Variants in RALA observed in about 807,000 individuals in gnomAD.
RALA encodes ras-related protein Ral-A.
RALA carries 5 observed loss-of-function variants against 24.0 expected under a neutral mutation model. That is an observed-to-expected ratio of 0.21 (90% CI 0.11 to 0.44). RALA has a LOEUF of 0.44. Among genes scored for constraint, RALA ranks in the 20% least tolerant of loss-of-function variants. RALA has a pLI of 0.99. For missense variants in RALA, 95 were observed against 241.2 expected, an observed-to-expected ratio of 0.39 and a Z score of 4.01; for synonymous variants, 77 against 83.8, an observed-to-expected ratio of 0.92 and a Z score of 0.44.
intron 1 of RALA, among the ~76,000 whole-genome samples, chr7:39,674,047 AAATAAATAAATAAATAAAT>A (rs1792435097): frequency 2.7e-5 from 4 of 147,372 alleles, no homozygotes; most frequent in East Asian, 1.9e-4. Context: ...CACTGTAAAT[AAATAAATAAATAAATAAAT>A]AAATAAATAA....
intron 1 of RALA, among the ~76,000 whole-genome samples, chr7:39,673,511 T>C (rs1466422999): frequency 6.6e-6 from 1 of 152,176 alleles, no homozygotes; most frequent in Non-Finnish European, 1.5e-5. Context: ...TTATATACTC[T>C]TTGTGAGTGA....
chr7:39,643,475 C>T (rs1583711015), intron 1 of RALA, among the ~76,000 whole-genome samples: 1 of 152,232 alleles, frequency 6.6e-6, no homozygotes. Flanking sequence ...AACCCCAGCA[C>T]TTTGAGAGGC....
chr7:39,668,260 T>G (rs1792317891), intron 1 of RALA, among the ~76,000 whole-genome samples: 1 of 152,218 alleles, frequency 6.6e-6, no homozygotes, highest in African/African-American at 2.4e-5. Context: ...AGTACAGCAC[T>G]TTAAGAAAGC....
chr7:39,649,126 A>G (rs1488321867), intron 1 of RALA, among the ~76,000 whole-genome samples: 1 of 152,178 alleles, frequency 6.6e-6, no homozygotes, highest in Non-Finnish European at 1.5e-5. Context: ...GTTGCCATTT[A>G]CTGATAGAGG....
rs768747506 is a variant in RALA at position 39,696,820 on chromosome 7, C to T, written c.459C>T (p.Tyr153=). The part of the protein sequence containing the change: ...KNRAEQWNVN[Y]VETSAKTRAN... ...GAGCTGAGCAGTGGAATGTTAACTA[C>T]GTGGAAACATCTGCTAAAACACGAG... Residue 153 remains tyrosine, a synonymous_variant, in exon 4 of 5, where the codon TAC becomes TAT. Transcript: ENST00000005257. 6.2e-6 allele frequency: 10 copies of T among 1,613,040 alleles called. No individual in the cohort carries two copies. The East Asian group carries it at 1.1e-4, about 18-fold the overall frequency.
chr7:39,651,979 A>G (rs940894285), intron 1 of RALA, among the ~76,000 whole-genome samples: 1 of 152,228 alleles, frequency 6.6e-6, no homozygotes, highest in African/African-American at 2.4e-5. Context: ...TCCTGCTGCT[A>G]GAGCAAAGTA....
At chr7:39,697,517 C>G in intron 4 of RALA, 1 of 453,658 alleles carries the variant, frequency 2.2e-6, no homozygotes, top group Non-Finnish European at 4.4e-6. Flanking sequence ...TGAGGTAGCA[C>G]AGAATCTTAA....
rs1205449105 is a variant in RALA at position 39,686,577 on chromosome 7, T to G, written c.-37-54T>G. 13 of 1,035,106 alleles carry G rather than the reference T, an allele frequency of 1.3e-5. No homozygotes were observed. In the Admixed American group the frequency reaches 2.2e-4, roughly 17 times the overall value. The allele number at this position is 1,035,106 out of a possible 1,614,324, so 64.1% of individuals were successfully genotyped here. On this transcript the variant is annotated intron_variant, in intron 1 of 4. Transcript: ENST00000005257. ...CTAAGGACATATCTCTTTCTTACAC[T>G]GGAATTCTAAAGAAGAATGTACTGA...
chr7:39,698,630 A>G (rs1792963150), intron 4 of RALA, among the ~76,000 whole-genome samples: 2 of 151,946 alleles, frequency 1.3e-5, no homozygotes, highest in South Asian at 4.1e-4. Flanking sequence ...TACTTTTCTA[A>G]TCGATGTTTC....
chr7:39,661,211 G>A (rs551537565), intron 1 of RALA, among the ~76,000 whole-genome samples: 8 of 152,338 alleles, frequency 5.3e-5, no homozygotes, highest in African/African-American at 1.9e-4. Flanking sequence ...AATCATGGGA[G>A]CTACAATTCA....
chr7:39,663,414 G>A (rs921434106), intron 1 of RALA, among the ~76,000 whole-genome samples: 9 of 152,122 alleles, frequency 5.9e-5, no homozygotes, highest in Non-Finnish European at 1.3e-4. Context: ...CATCTCTCCA[G>A]TAAATGTAGT....
intron 4 of RALA, 134 bp downstream of exon 4, chr7:39,696,993 A>G: frequency 1.2e-6 from 1 of 830,480 alleles, no homozygotes; most frequent in Non-Finnish European, 1.9e-6. Flanking sequence ...TCATCCCTGA[A>G]TACTCAGATA....
At chr7:39,674,041 G>GTAAAAAAAAAAAAAAA (rs751747445) in intron 1 of RALA, among the ~76,000 whole-genome samples, 29 of 48,910 alleles carry the variant, frequency 5.9e-4, no homozygotes, top group African/African-American at 2.5e-3. Flanking sequence ...GGCATGCACT[G>GTAAAAAAAAAAAAAAA]TAAATAAATA....
chr7:39,629,972 G>A (rs6943083), intron 1 of RALA, among the ~76,000 whole-genome samples: 4,582 of 151,904 alleles, frequency 0.03, 239 homozygotes, highest in African/African-American at 0.1. Context: ...CTCGTGATCC[G>A]TCCACCTCAG....
intron 4 of RALA, chr7:39,697,355 AGAAAG>A: frequency 2.2e-6 from 1 of 456,694 alleles, no homozygotes; most frequent in South Asian, 1.5e-5. Flanking sequence ...TGAAAGAGAA[AGAAAG>A]GAAAGTAAAC....
chr7:39,661,179 G>A (rs2074654709), intron 1 of RALA, among the ~76,000 whole-genome samples: 1 of 152,138 alleles, frequency 6.6e-6, no homozygotes, highest in Non-Finnish European at 1.5e-5. Flanking sequence ...TCTCCCAGCG[G>A]GTCCCTACCA....
chr7:39,662,281 A>G (rs948122746), intron 1 of RALA, among the ~76,000 whole-genome samples: 2 of 151,816 alleles, frequency 1.3e-5, no homozygotes, highest in African/African-American at 4.8e-5. Context: ...CTCCGGAGAC[A>G]TTTTCCCCCG....
At chr7:39,644,699 A>G (rs945450472) in intron 1 of RALA, among the ~76,000 whole-genome samples, 12 of 152,182 alleles carry the variant, frequency 7.9e-5, no homozygotes, top group African/African-American at 2.9e-4. Context: ...GTGGATTTAA[A>G]CTATCTAATT....
chr7:39,632,841 A>T (rs1205457150), intron 1 of RALA, among the ~76,000 whole-genome samples: 1 of 152,162 alleles, frequency 6.6e-6, no homozygotes, highest in African/African-American at 2.4e-5. Context: ...AAATTTTAAC[A>T]AAAGATACTT....
Sources: gnomAD v4.1 joint callset for allele counts (sites outside exome capture counted in the v4.1 genomes callset) on GRCh38, gnomAD v4.1.1 for gene constraint, MANE v1.5 for transcripts, NCBI Gene and HGNC (gene_info 2026-07-23, HGNC 2026-07-21) for gene names.